Variants in COL22A1 observed in about 807,000 individuals in gnomAD.
COL22A1 encodes collagen alpha-1(XXII) chain.
Under a neutral mutation model 248.9 loss-of-function variants are expected in COL22A1, and 221 were observed. That is an observed-to-expected ratio of 0.89 (90% CI 0.80 to 0.99). The LOEUF (loss-of-function observed/expected upper bound fraction) is 0.99. Among genes scored for constraint, COL22A1 ranks in the 50% least tolerant of loss-of-function variants. The pLI is 0.00. For synonymous variants in COL22A1, 891 were observed against 793.4 expected, an observed-to-expected ratio of 1.12 and a Z score of -2.07; for missense variants, 2,240 against 2,179.0, an observed-to-expected ratio of 1.03 and a Z score of -0.56.
chr8:138,826,681 T>C lies in COL22A1; in HGVS notation c.946A>G (p.Ile316Val). 1 of 1,613,986 alleles carries C rather than the reference T, an allele frequency of 6.2e-7. No individual in the cohort carries two copies. The highest frequency in any genetic ancestry group is 8.5e-7 in the Non-Finnish European group (1 of 1,179,950). The part of the protein sequence containing the change: ...RKEDWYIWQV[I>V]DQYSIPQVSI... The stretch of plus-strand genomic sequence containing the variant: ...ACCTGTGGGATGCTGTACTGGTCGA[T>C]GACCTGCCAGATATACCAGTCTTCC... The change falls in exon 6 of 65, where the codon ATC (isoleucine) becomes GTC (valine). Residue 316 changes from isoleucine to valine, a missense_variant. Coordinates refer to ENST00000303045, the MANE Select transcript of COL22A1 (RefSeq NM_152888.3).
At chr8:138,875,762 C>T (rs971193382) in intron 3 of COL22A1, among the ~76,000 whole-genome samples, 11 of 152,124 alleles carry the variant, frequency 7.2e-5, no homozygotes, top group Non-Finnish European at 1.5e-4. Flanking sequence ...CTGTGCCTTC[C>T]ATGATCTCAG....
At chr8:138,670,130 A>G (rs1824888235) in intron 41 of COL22A1, among the ~76,000 whole-genome samples, 1 of 151,954 alleles carries the variant, frequency 6.6e-6, no homozygotes, top group Admixed American at 6.6e-5. Context: ...CAGGCAATTC[A>G]CCTGCCTTGG....
chr8:138,747,519 C>T (rs1832221482), intron 22 of COL22A1, among the ~76,000 whole-genome samples: 1 of 152,174 alleles, frequency 6.6e-6, no homozygotes, highest in South Asian at 2.1e-4. Flanking sequence ...CACTCCACAC[C>T]TGCGCCTGCC....
chr8:138,731,356 G>GA (rs1830691896), intron 23 of COL22A1, among the ~76,000 whole-genome samples: 1 of 152,088 alleles, frequency 6.6e-6, no homozygotes. Flanking sequence ...ATGGTAGGAG[G>GA]AAAACTTGCA....
At position 138,755,178 on chromosome 8, in the gene COL22A1, G is replaced by A. The variant is rs1232261610; in HGVS notation, c.2010C>T (p.Ala670=). Residue 670 remains alanine, a synonymous_variant, in exon 21 of 65, where the codon GCC becomes GCT. Transcript: ENST00000303045. ...GAPGPRGHQG[A]PGPPGARGPI... is the part of the protein sequence containing the mutation. The stretch of plus-strand genomic sequence containing the variant: ...TTACCCGAGCTCCTGGAGGACCGGG[G>A]GCGCCTTGGTGACCTCTGGGTCCTG... 1 of 1,614,010 alleles carries A rather than the reference G, an allele frequency of 6.2e-7. No homozygotes were observed. Among genetic ancestry groups the A allele is most frequent in the African/African-American group, 1.3e-5 (1 of 74,922 alleles).
At chr8:138,703,444 G>A (rs865800640) in intron 30 of COL22A1, 97 bp from the exon 31 acceptor site, 3 of 1,167,152 alleles carry the variant, frequency 2.6e-6, no homozygotes, top group Non-Finnish European at 3.9e-6. Context: ...CCAGACAACA[G>A]AAGGTGTTGT....
chr8:138,647,690 T>C (rs1196361411), intron 46 of COL22A1, among the ~76,000 whole-genome samples: 1 of 152,044 alleles, frequency 6.6e-6, no homozygotes, highest in Non-Finnish European at 1.5e-5. Context: ...GGTGGGAGGG[T>C]GGGGGTTCGT....
chr8:138,599,340 G>A (rs1047405540), intron 60 of COL22A1, among the ~76,000 whole-genome samples: 16 of 152,220 alleles, frequency 1.1e-4, no homozygotes, highest in African/African-American at 1.7e-4. Context: ...TTAGCCGGGC[G>A]TGGTGGCAGG....
intron 19 of COL22A1, 21 bp from the exon 20 acceptor site, chr8:138,755,532 T>C: frequency 6.2e-7 from 1 of 1,613,948 alleles, no homozygotes; most frequent in Non-Finnish European, 8.5e-7. Context: ...AAGCAAGCAT[T>C]AGCAAAGGTG....
chr8:138,610,548 T>C (rs1053513888), intron 56 of COL22A1, among the ~76,000 whole-genome samples: 2 of 152,208 alleles, frequency 1.3e-5, no homozygotes, highest in Admixed American at 1.3e-4. Flanking sequence ...ACAAAGTAGA[T>C]ATTTGGCAAA....
intron 39 of COL22A1, among the ~76,000 whole-genome samples, chr8:138,682,572 G>A (rs1564187675): frequency 6.6e-6 from 1 of 152,182 alleles, no homozygotes; most frequent in Non-Finnish European, 1.5e-5. Context: ...CATACCTAGA[G>A]CTCATGCTCT....
chr8:138,760,475 G>GCTCC (rs895812961), intron 17 of COL22A1, among the ~76,000 whole-genome samples, 188 bp from the exon 18 acceptor site: 1 of 152,184 alleles, frequency 6.6e-6, no homozygotes, highest in African/African-American at 2.4e-5. Context: ...ACTAACCTAA[G>GCTCC]CTCCCTATCT....
At chr8:138,821,016 C>A in intron 7 of COL22A1, 120 bp downstream of exon 7, 1 of 1,130,116 alleles carries the variant, frequency 8.8e-7, no homozygotes, top group Non-Finnish European at 1.3e-6. Context: ...CTAAGACGGT[C>A]CAAGGTGATG....
intron 56 of COL22A1, among the ~76,000 whole-genome samples, chr8:138,613,026 A>G (rs1819005178): frequency 6.7e-6 from 1 of 149,936 alleles, no homozygotes; most frequent in Non-Finnish European, 1.5e-5. Context: ...AGGCGGGCAG[A>G]TTATGAGGTC....
At chr8:138,635,097 A>C (rs1403075952) in intron 48 of COL22A1, 34 bp from the exon 49 acceptor site, 3 of 1,542,118 alleles carry the variant, frequency 1.9e-6, no homozygotes, top group Non-Finnish European at 2.7e-6. Context: ...CTTTAAAATG[A>C]CTTGAAAAAT....
intron 4 of COL22A1, among the ~76,000 whole-genome samples, chr8:138,841,367 C>A (rs1283254188): frequency 1.3e-5 from 2 of 152,098 alleles, no homozygotes; most frequent in Non-Finnish European, 2.9e-5. Context: ...GATTGGAGTT[C>A]TCAGAATAGA....
intron 14 of COL22A1, 128 bp from the exon 15 acceptor site, chr8:138,778,534 A>G (rs2131512490): frequency 2.6e-6 from 2 of 770,260 alleles, no homozygotes; most frequent in Non-Finnish European, 4.1e-6. Context: ...AGTGCTGCCC[A>G]TGCTGTTGGC....
At chr8:138,865,556 T>C (rs1358248896) in intron 3 of COL22A1, among the ~76,000 whole-genome samples, 1 of 150,968 alleles carries the variant, frequency 6.6e-6, no homozygotes, top group African/African-American at 2.4e-5. Flanking sequence ...TGCCTGTGAG[T>C]GTATGTGTGT....
At chr8:138,756,484 A>G (rs1833015215) in intron 18 of COL22A1, among the ~76,000 whole-genome samples, 1 of 152,146 alleles carries the variant, frequency 6.6e-6, no homozygotes, top group Non-Finnish European at 1.5e-5. Context: ...TCACAGAAAA[A>G]TCTTTAGTAT....
Sources: allele counts gnomAD v4.1 joint callset (sites outside exome capture counted in the v4.1 genomes callset), GRCh38; gene constraint gnomAD v4.1.1; transcripts MANE v1.5; gene names NCBI Gene and HGNC (gene_info 2026-07-23, HGNC 2026-07-21).